Variants in PIK3CA observed in about 807,000 individuals in gnomAD.
PIK3CA encodes the protein phosphatidylinositol-4,5-bisphosphate 3-kinase catalytic subunit alpha.
Under a neutral mutation model 138.2 loss-of-function variants are expected in PIK3CA, and 27 were observed. The observed-to-expected ratio is 0.20, with a 90% CI of 0.14 to 0.27. The LOEUF is 0.27. PIK3CA is among the 10% of genes least tolerant of loss of function. PIK3CA has a pLI of 1.00. For missense variants in PIK3CA, 544 were observed against 1,277.4 expected (o/e 0.43, Z 8.75); for synonymous variants, 358 against 413.2 (o/e 0.87, Z 1.62).
chr3:179,201,492 T>C lies in PIK3CA; in HGVS notation c.765T>C (p.Cys255=). The change falls in exon 4 of 21, where the codon TGT becomes TGC. Residue 255 remains cysteine (C), a synonymous_variant. Coordinates refer to ENST00000263967, the MANE Select transcript of PIK3CA (RefSeq NM_006218.4). ...AGGGCAAGTATATTTTAAAAGTGTGTGGATGTGATGAATACTTCCTAGAAA... is the reference window on the plus strand; with the variant it reads ...AGGGCAAGTATATTTTAAAAGTGTGCGGATGTGATGAATACTTCCTAGAAA... ...EYQGKYILKV[C]GCDEYFLEKY... The C allele has an allele frequency of 1.2e-6, 2 of 1,610,164 alleles. No homozygotes were observed. Among genetic ancestry groups the C allele is most frequent in the Non-Finnish European group, 1.7e-6 (2 of 1,176,532 alleles).
chr3:179,204,621 G>T (rs200300433), intron 6 of PIK3CA, 33 bp downstream of exon 6: 2 of 1,059,452 alleles, frequency 1.9e-6, no homozygotes. Flanking sequence ...ATTTCCAAAG[G>T]TTATATTAGT....
intron 4 of PIK3CA, among the ~76,000 whole-genome samples, chr3:179,202,874 C>A (rs1312821872): frequency 6.6e-6 from 1 of 151,784 alleles, no homozygotes; most frequent in Non-Finnish European, 1.5e-5. Flanking sequence ...ACAGAGGCGT[C>A]CTAAGTGATA....
At chr3:179,190,850 C>T (rs1395031092) in intron 1 of PIK3CA, among the ~76,000 whole-genome samples, 1 of 152,158 alleles carries the variant, frequency 6.6e-6, no homozygotes, top group African/African-American at 2.4e-5. Context: ...TTAAATAGTA[C>T]TTTTAGCTAC....
At chr3:179,223,027 A>G (rs556200712) in intron 14 of PIK3CA, among the ~76,000 whole-genome samples, 1 of 152,314 alleles carries the variant, frequency 6.6e-6, no homozygotes, top group Admixed American at 6.5e-5. Flanking sequence ...AGATTTTGAT[A>G]GGGAACTAAG....
Position 179,198,966 on chromosome 3 carries a change from T to C in PIK3CA, c.141T>C (p.His47=). Residue 47 remains histidine, a synonymous_variant, in exon 2 of 21, where the codon CAT becomes CAC. Transcript: ENST00000263967. ...AGGCTACATTAATAACCATAAAGCA[T>C]GAACTATTTAAAGAAGCAAGAAAAT... ...LREATLITIK[H]ELFKEARKYP... 1 of 1,613,338 alleles carries C rather than the reference T, an allele frequency of 6.2e-7. No homozygotes were observed. Among genetic ancestry groups the C allele is most frequent in the Non-Finnish European group, 8.5e-7 (1 of 1,179,506 alleles).
intron 14 of PIK3CA, among the ~76,000 whole-genome samples, chr3:179,221,905 G>A (rs1447133495): frequency 2.6e-5 from 4 of 151,506 alleles, no homozygotes; most frequent in African/African-American, 7.3e-5. Context: ...ACAGTGTTTC[G>A]CTTTGTTGCC....
At position 179,205,016 on chromosome 3, in the gene PIK3CA, G is replaced by A. The variant is rs201751062; in HGVS notation, c.1145+428G>A. Reference sequence around the variant, plus strand: ...AGCCTGGGCAACAGAGCGAGACTCCGTCTCAAAAAAAAAAAAAAAAAAAAA... The same window carrying A: ...AGCCTGGGCAACAGAGCGAGACTCCATCTCAAAAAAAAAAAAAAAAAAAAA... On this transcript the variant is annotated intron_variant, in intron 6 of 20. Transcript: ENST00000263967. 1.1e-3 allele frequency among the ~76,000 whole-genome samples: 83 copies of A among 75,374 alleles called. 2 individuals are homozygous for A. The East Asian group carries it at 0.016, about 15-fold the overall frequency. 49.4% of individuals were successfully genotyped at this position (75,374 alleles called of 152,430 possible).
At position 179,224,767 on chromosome 3, in the gene PIK3CA, A is replaced by G. The variant is rs1356168549; in HGVS notation, c.2362A>G (p.Ile788Val). The G allele has an allele frequency of 6.2e-7, 1 of 1,606,510 alleles. No individual in the cohort carries two copies. Among genetic ancestry groups the G allele is most frequent in the East Asian group, 2.2e-5 (1 of 44,814 alleles). ...GTGGTTGAATTGGGAGAACCCAGAC[A>G]TCATGTCAGAGTTACTGTTTCAGAA... ...PLWLNWENPD[I>V]MSELLFQNNE... Residue 788 changes from isoleucine to valine, a missense_variant, in exon 16 of 21, where the codon ATC becomes GTC. Physicochemically the swap from Ile to Val is conservative, Grantham distance 29. Coordinates refer to ENST00000263967, the MANE Select transcript of PIK3CA (RefSeq NM_006218.4).
intron 1 of PIK3CA, among the ~76,000 whole-genome samples, chr3:179,180,593 G>A (rs1472866229): frequency 6.6e-6 from 1 of 152,142 alleles, no homozygotes; most frequent in Non-Finnish European, 1.5e-5. Flanking sequence ...AATTTAAGGG[G>A]TGGAAGTGAT....
intron 20 of PIK3CA, 95 bp from the exon 21 acceptor site, chr3:179,233,999 C>T (rs980313659): frequency 6.1e-6 from 5 of 816,420 alleles, no homozygotes; most frequent in Non-Finnish European, 7.8e-6. Flanking sequence ...GCTTTGTCTA[C>T]GAAAGCCTCT....
intron 1 of PIK3CA, among the ~76,000 whole-genome samples, chr3:179,170,794 A>G (rs946528985): frequency 6.6e-6 from 1 of 152,236 alleles, no homozygotes; most frequent in Non-Finnish European, 1.5e-5. Context: ...CACAAAATGC[A>G]TGAAACAAAG....
At chr3:179,168,457 A>G (rs1287049350) in intron 1 of PIK3CA, among the ~76,000 whole-genome samples, 2 of 152,104 alleles carry the variant, frequency 1.3e-5, no homozygotes, top group Non-Finnish European at 2.9e-5. Context: ...ATTGTCTAGT[A>G]TAGTTCTTTA....
intron 9 of PIK3CA, among the ~76,000 whole-genome samples, chr3:179,212,061 G>C (rs1687585532): frequency 6.6e-6 from 1 of 151,912 alleles, no homozygotes; most frequent in Non-Finnish European, 1.5e-5. Flanking sequence ...AGGCTAGAGT[G>C]CAATGGCACA....
At chr3:179,154,525 A>G (rs1331574110) in intron 1 of PIK3CA, among the ~76,000 whole-genome samples, 3 of 152,174 alleles carry the variant, frequency 2.0e-5, no homozygotes, top group Non-Finnish European at 4.4e-5. Context: ...CCTGGTGCCA[A>G]AAAAGTTGGG....
chr3:179,148,842 G>A (rs1722927948), intron 1 of PIK3CA, among the ~76,000 whole-genome samples: 1 of 152,098 alleles, frequency 6.6e-6, no homozygotes, highest in African/African-American at 2.4e-5. Context: ...TCTGGCTGCC[G>A]CCTCGCTCTT....
intron 1 of PIK3CA, among the ~76,000 whole-genome samples, chr3:179,178,711 A>G (rs1391286880): frequency 6.6e-6 from 1 of 152,180 alleles, no homozygotes; most frequent in Non-Finnish European, 1.5e-5. Context: ...ATCACTTACT[A>G]CAATGAAAAG....
At chr3:179,207,391 T>G (rs534429266) in intron 6 of PIK3CA, among the ~76,000 whole-genome samples, 25 of 152,246 alleles carry the variant, frequency 1.6e-4, no homozygotes, top group South Asian at 1.2e-3. Flanking sequence ...AAGAGAAACA[T>G]GCTTTATTTT....
At chr3:179,194,443 T>TC (rs989622254) in intron 1 of PIK3CA, among the ~76,000 whole-genome samples, 2 of 152,142 alleles carry the variant, frequency 1.3e-5, no homozygotes, top group Non-Finnish European at 2.9e-5. Context: ...GGTCTCGAAC[T>TC]CCTCAGCTCA....
chr3:179,182,733 C>A (rs990315241), intron 1 of PIK3CA, among the ~76,000 whole-genome samples: 4 of 151,896 alleles, frequency 2.6e-5, no homozygotes, highest in African/African-American at 9.7e-5. Flanking sequence ...ACAGTTATAC[C>A]CATTTCAGTT....
Sources: gnomAD v4.1 joint callset for allele counts (sites outside exome capture counted in the v4.1 genomes callset) on GRCh38, gnomAD v4.1.1 for gene constraint, MANE v1.5 for transcripts, NCBI Gene and HGNC (gene_info 2026-07-23, HGNC 2026-07-21) for gene names.